Variants in RBFOX1 observed in about 807,000 individuals in gnomAD.
RBFOX1 encodes RNA binding protein fox-1 homolog 1.
Under a neutral mutation model 57.7 loss-of-function variants are expected in RBFOX1, and 8 were observed. That is an observed-to-expected ratio of 0.14 (90% CI 0.08 to 0.25). The LOEUF (loss-of-function observed/expected upper bound fraction) is 0.25. Among genes scored for constraint, RBFOX1 ranks in the 10% least tolerant of loss-of-function variants. The pLI, the probability that RBFOX1 is intolerant of heterozygous loss-of-function variation, is 1.00. For synonymous variants in RBFOX1, 326 were observed against 222.4 expected, an observed-to-expected ratio of 1.47 and a Z score of -4.15; for missense variants, 611 against 548.5, an observed-to-expected ratio of 1.11 and a Z score of -1.14.
At chr16:7,226,363 G>T (rs1412803041) in intron 4 of RBFOX1, among the ~76,000 whole-genome samples, 1 of 152,198 alleles carries the variant, frequency 6.6e-6, no homozygotes, top group African/African-American at 2.4e-5. Flanking sequence ...CCCACCTGAA[G>T]AGGGAAGGAA....
intron 1 of RBFOX1, among the ~76,000 whole-genome samples, chr16:6,264,069 G>A (rs1045139788): frequency 6.6e-6 from 1 of 152,060 alleles, no homozygotes; most frequent in Non-Finnish European, 1.5e-5. Context: ...ATGGGGATTC[G>A]ATAACCTTAC....
chr16:7,493,363 C>G (rs1212533327), intron 4 of RBFOX1, among the ~76,000 whole-genome samples: 3 of 152,192 alleles, frequency 2.0e-5, no homozygotes, highest in Non-Finnish European at 2.9e-5. Flanking sequence ...CAGTCTTCCC[C>G]TAGAATCATT....
chr16:6,322,501 C>T (rs1418947876), intron 2 of RBFOX1, among the ~76,000 whole-genome samples: 1 of 150,074 alleles, frequency 6.7e-6, no homozygotes, highest in African/African-American at 2.5e-5. Context: ...TTAAGCCCTC[C>T]TGATAATGAA....
At chr16:5,983,074 AGAGT>A (rs2060205599) in intron 4 of RBFOX1, among the ~76,000 whole-genome samples, 2 of 152,298 alleles carry the variant, frequency 1.3e-5, no homozygotes, top group African/African-American at 4.8e-5. Context: ...CTCTGACTCA[AGAGT>A]GAGTGCGACT....
intron 1 of RBFOX1, among the ~76,000 whole-genome samples, chr16:6,223,848 G>A (rs890693835): frequency 2.0e-5 from 3 of 152,162 alleles, no homozygotes; most frequent in African/African-American, 7.2e-5. Context: ...TAACATTTAA[G>A]TCTTTAATCC....
intron 3 of RBFOX1, among the ~76,000 whole-genome samples, chr16:5,750,833 C>T (rs1189328184): frequency 1.3e-5 from 2 of 152,246 alleles, no homozygotes; most frequent in Non-Finnish European, 2.9e-5. Flanking sequence ...GATGCCTCGC[C>T]CTGCTTCGGC....
intron 2 of RBFOX1, among the ~76,000 whole-genome samples, chr16:6,412,093 A>G (rs1290304112): frequency 6.6e-6 from 1 of 150,768 alleles, no homozygotes; most frequent in Non-Finnish European, 1.5e-5. Context: ...AGATCGTGCC[A>G]TTGCACTCCA....
At chr16:5,897,642 C>G (rs1421418128) in intron 4 of RBFOX1, among the ~76,000 whole-genome samples, 3 of 152,118 alleles carry the variant, frequency 2.0e-5, no homozygotes, top group Admixed American at 6.5e-5. Context: ...CAAGGTGGGC[C>G]TCTCTTAGCT....
chr16:6,312,805 A>G (rs1394640216), intron 1 of RBFOX1, among the ~76,000 whole-genome samples: 1 of 148,308 alleles, frequency 6.7e-6, no homozygotes, highest in Non-Finnish European at 1.5e-5. Flanking sequence ...CCTTGGGTAA[A>G]TATTTACTGA....
intron 3 of RBFOX1, among the ~76,000 whole-genome samples, chr16:7,029,251 TAC>T (rs35757050): frequency 0.54 from 46,843 of 87,126 alleles, 15,689 homozygotes; most frequent in South Asian, 0.71. Context: ...CGTATATATA[TAC>T]ACACATATAT....
intron 4 of RBFOX1, among the ~76,000 whole-genome samples, chr16:5,934,384 A>G (rs1597852730): frequency 6.6e-6 from 1 of 152,120 alleles, no homozygotes; most frequent in Non-Finnish European, 1.5e-5. Context: ...GCTGGTGTGG[A>G]TTTTGCATTT....
At chr16:6,125,299 A>G (rs1005514080) in intron 1 of RBFOX1, among the ~76,000 whole-genome samples, 1 of 152,162 alleles carries the variant, frequency 6.6e-6, no homozygotes, top group African/African-American at 2.4e-5. Flanking sequence ...GAGGATAGAG[A>G]TGGAGGAGAA....
intron 2 of RBFOX1, among the ~76,000 whole-genome samples, chr16:6,523,860 TTA>T (rs2096542248): frequency 6.6e-6 from 1 of 152,168 alleles, no homozygotes; most frequent in Non-Finnish European, 1.5e-5. Flanking sequence ...CCACAGTTTT[TTA>T]TATTTAATTT....
chr16:6,780,033 AT>A lies in RBFOX1; in HGVS notation c.-16+125386del, dbSNP rs1203983281. ...TATATATATTTATATATTTATATAT[AT>A]TTATATATATTTACATATTTATATA... On this transcript the variant is annotated intron_variant, in intron 3 of 15. Coordinates refer to ENST00000550418, the MANE Select transcript of RBFOX1 (RefSeq NM_018723.4). 7.4e-5 allele frequency among the ~76,000 whole-genome samples: 2 copies of A among 27,144 alleles called. 1 individual carries two copies. The highest frequency in any genetic ancestry group is 1.1e-4 in the Non-Finnish European group (2 of 18,692). 17.8% of individuals were successfully genotyped at this position (27,144 alleles called of 152,430 possible). A position where few individuals can be genotyped will look rare whatever the true frequency, so the allele number is the denominator to read the frequency against.
intron 3 of RBFOX1, among the ~76,000 whole-genome samples, chr16:6,689,280 A>G (rs2059883076): frequency 6.6e-6 from 1 of 152,144 alleles, no homozygotes; most frequent in African/African-American, 2.4e-5. Context: ...TTGTTTTCAT[A>G]TGTGTTTATA....
At chr16:6,429,353 G>C (rs1311821187) in intron 2 of RBFOX1, among the ~76,000 whole-genome samples, 2 of 152,160 alleles carry the variant, frequency 1.3e-5, no homozygotes. Context: ...TGACCCTAGG[G>C]GCTAGCCCCT....
At chr16:7,205,122 C>T (rs2089646643) in intron 4 of RBFOX1, among the ~76,000 whole-genome samples, 1 of 152,090 alleles carries the variant, frequency 6.6e-6, no homozygotes, top group Non-Finnish European at 1.5e-5. Flanking sequence ...CCTCCCACCT[C>T]CCTTCACTGA....
At chr16:6,834,970 G>A (rs1187716041) in intron 3 of RBFOX1, among the ~76,000 whole-genome samples, 1 of 146,714 alleles carries the variant, frequency 6.8e-6, no homozygotes, top group Non-Finnish European at 1.5e-5. Context: ...TTGGTTCACT[G>A]TAAGCTTCAT....
intron 1 of RBFOX1, among the ~76,000 whole-genome samples, chr16:5,254,835 C>T (rs1267098497): frequency 1.3e-5 from 2 of 152,120 alleles, no homozygotes; most frequent in Non-Finnish European, 2.9e-5. Flanking sequence ...ACCTGGAGGC[C>T]TGGAAATGTC....
Sources: allele counts gnomAD v4.1 joint callset (sites outside exome capture counted in the v4.1 genomes callset), GRCh38; gene constraint gnomAD v4.1.1; transcripts MANE v1.5; gene names NCBI Gene and HGNC (gene_info 2026-07-23, HGNC 2026-07-21).